TCF25: variants seen among roughly 807,000 people sequenced by gnomAD.
TCF25 encodes the protein TCF25 ribosome quality control complex subunit, also known as ribosome quality control complex subunit TCF25.
TCF25 carries 41 observed loss-of-function variants against 83.1 expected under a neutral mutation model. The ratio of observed to expected loss-of-function variants is 0.49; its 90% CI spans 0.38 to 0.64. The LOEUF is 0.64. Among genes scored for constraint, TCF25 ranks in the 30% least tolerant of loss-of-function variants. The probability of loss-of-function intolerance (pLI) is 0.00; values close to 1 mark genes in which losing one functional copy is unlikely to be tolerated. For missense variants in TCF25, 979 were observed against 914.5 expected (o/e 1.07, Z -0.91); for synonymous variants, 458 against 365.0 (o/e 1.25, Z -2.90).
intron 7 of TCF25, among the ~76,000 whole-genome samples, chr16:89,894,244 G>A (rs894503280): frequency 1.3e-5 from 2 of 148,198 alleles, no homozygotes. Flanking sequence ...GCCCCCACAC[G>A]GCCCCGGACG....
intron 7 of TCF25, among the ~76,000 whole-genome samples, chr16:89,894,379 G>A (rs548606847): frequency 3.3e-5 from 5 of 151,278 alleles, no homozygotes; most frequent in African/African-American, 1.2e-4. Context: ...CCCCCGCGCA[G>A]CCCCAGACAG....
In TCF25 at chr16:89,902,538, A is replaced by C. The variant is rs2044420059; in HGVS notation, c.1382-1580A>C. 1.4e-5 allele frequency among the ~76,000 whole-genome samples: 2 copies of C among 145,654 alleles called. 1 individual carries two copies. The highest frequency in any genetic ancestry group is 3.1e-5 in the Non-Finnish European group (2 of 65,166). ...CCACGTCTCTACTAAAAATACAAAA[A>C]ATTAGCCGGGCGTGTTGGCCGGCAC... On this transcript the variant is annotated intron_variant, in intron 12 of 17. Transcript: ENST00000263346.
At chr16:89,874,706 C>G (rs2042038702) in intron 1 of TCF25, 1 of 152,280 alleles carries the variant, frequency 6.6e-6, no homozygotes, top group Non-Finnish European at 1.5e-5. Flanking sequence ...TCTGCGGGCT[C>G]TGCGATCCTC....
At chr16:89,883,239 C>G (rs2042740595) in intron 1 of TCF25, 112 bp from the exon 2 acceptor site, 3 of 1,442,178 alleles carry the variant, frequency 2.1e-6, no homozygotes, top group Non-Finnish European at 9.4e-7. Flanking sequence ...GCGTCTCGCA[C>G]TGACCCTGGG....
intron 5 of TCF25, chr16:89,890,386 A>T (rs1479591374): frequency 6.6e-6 from 1 of 152,276 alleles, no homozygotes; most frequent in African/African-American, 2.4e-5. Context: ...TACGTGGCTC[A>T]CACTGAGTGT....
intron 3 of TCF25, among the ~76,000 whole-genome samples, chr16:89,885,103 G>A (rs1004276472): frequency 1.7e-4 from 20 of 116,000 alleles, no homozygotes; most frequent in Admixed American, 3.1e-4. Flanking sequence ...TCTGCCTGAC[G>A]CCCTCTCCCT....
intron 8 of TCF25, 149 bp downstream of exon 8, chr16:89,895,286 T>C (rs1454592079): frequency 5.5e-6 from 4 of 722,742 alleles, no homozygotes; most frequent in East Asian, 2.9e-5. Flanking sequence ...AACTTACCCA[T>C]TTAAAGTTTT....
chr16:89,893,868 C>T lies in TCF25; in HGVS notation c.828+10C>T, dbSNP rs749650744. On this transcript the variant is annotated intron_variant, in intron 7 of 17. Coordinates refer to ENST00000263346, the MANE Select transcript of TCF25 (RefSeq NM_014972.3). The stretch of plus-strand genomic sequence containing the variant: ...GCCGAACAACATCGTGGTGCGTGGT[C>T]CCTGCAGCCCCTGACAGGAGCAGGG... 7.5e-6 allele frequency: 12 copies of T among 1,592,992 alleles called. No homozygotes were observed. The highest frequency in any genetic ancestry group is 1.0e-5 in the Non-Finnish European group (12 of 1,170,378).
chr16:89,888,007 T>G (rs1208365018), intron 5 of TCF25, among the ~76,000 whole-genome samples: 2 of 152,194 alleles, frequency 1.3e-5, no homozygotes, highest in Admixed American at 6.5e-5. Flanking sequence ...TGCTCACGCC[T>G]GTAATCCCAG....
intron 1 of TCF25, among the ~76,000 whole-genome samples, chr16:89,881,538 C>T (rs2042606026): frequency 1.1e-5 from 1 of 94,346 alleles, no homozygotes; most frequent in Non-Finnish European, 1.7e-5. Context: ...TTCCAGATTC[C>T]AGGACTGCTG....
chr16:89,886,159 G>T (rs2043002435), intron 4 of TCF25, 193 bp downstream of exon 4: 8 of 594,572 alleles, frequency 1.3e-5, no homozygotes, highest in Non-Finnish European at 2.2e-5. Flanking sequence ...TGGGCGTGGT[G>T]GCTCACGCCT....
At chr16:89,883,154 G>A (rs538596691) in intron 1 of TCF25, among the ~76,000 whole-genome samples, 197 bp from the exon 2 acceptor site, 1 of 149,088 alleles carries the variant, frequency 6.7e-6, no homozygotes, top group East Asian at 2.1e-4. Flanking sequence ...TAGAGCTGCT[G>A]ACAAAGTCCC....
At chr16:89,904,043 C>A (rs1040348131) in intron 12 of TCF25, 75 bp from the exon 13 acceptor site, 4 of 1,448,552 alleles carry the variant, frequency 2.8e-6, no homozygotes, top group Admixed American at 1.9e-5. Context: ...TCGCTGTGTC[C>A]CTTACTGCCT....
chr16:89,903,004 C>T (rs1389667975), intron 12 of TCF25, among the ~76,000 whole-genome samples: 8 of 152,326 alleles, frequency 5.3e-5, no homozygotes, highest in East Asian at 1.9e-4. Context: ...TCAGTCTGCT[C>T]GCTGACCCCA....
At chr16:89,891,999 T>A (rs2043469531) in intron 5 of TCF25, among the ~76,000 whole-genome samples, 194 bp from the exon 6 acceptor site, 2 of 152,090 alleles carry the variant, frequency 1.3e-5, no homozygotes, top group Admixed American at 6.5e-5. Context: ...TATGGGGCCC[T>A]CCCTGCTGCA....
In TCF25 at chr16:89,890,621, C is replaced by G. The variant is rs531892457; in HGVS notation, c.615-1572C>G. On this transcript the variant is annotated intron_variant, in intron 5 of 17. Coordinates refer to ENST00000263346, the MANE Select transcript of TCF25 (RefSeq NM_014972.3). ...TTCGGGAATATTAATTAAAAATAGA[C>G]TTTAAAATGTCACTTTGTCATCTGC... The G allele has an allele frequency of 6.6e-5, 10 of 152,270 alleles. No individual in the cohort carries two copies. In the East Asian group the frequency reaches 1.5e-3, roughly 23 times the overall value. 9.4% of individuals were successfully genotyped at this position (152,270 alleles called of 1,614,324 possible).
intron 16 of TCF25, chr16:89,910,045 T>C (rs1223768834): frequency 6.5e-6 from 1 of 153,496 alleles, no homozygotes; most frequent in African/African-American, 2.4e-5. Flanking sequence ...TGATTATCCC[T>C]GCCGGCAGGG....
chr16:89,895,909 C>T lies in TCF25; in HGVS notation c.929-81C>T, dbSNP rs1459610014. ...TCGTGACCTTCCGTCCAGACCTTTC[C>T]TTGTTGTCCATTATCAGAGGAGGGG... is the stretch of plus-strand genomic sequence containing the variant. On this transcript the variant is annotated intron_variant, in intron 8 of 17. Coordinates refer to ENST00000263346, the MANE Select transcript of TCF25 (RefSeq NM_014972.3). 5.3e-6 allele frequency: 7 copies of T among 1,320,134 alleles called. No homozygotes were observed. In the East Asian group the frequency reaches 7.4e-5, roughly 14 times the overall value. 81.8% of individuals were successfully genotyped at this position (1,320,134 alleles called of 1,614,324 possible). A position where few individuals can be genotyped will look rare whatever the true frequency, so the allele number is the denominator to read the frequency against.
In TCF25 at chr16:89,892,034, C is replaced by T. The variant is rs1045102451; in HGVS notation, c.615-159C>T. 8.5e-5 allele frequency among the ~76,000 whole-genome samples: 13 copies of T among 152,260 alleles called. No homozygotes were observed. The East Asian group carries it at 2.5e-3, about 29-fold the overall frequency. On this transcript the variant is annotated intron_variant, in intron 5 of 17. Transcript: ENST00000263346. ...ACCCGTCCCACAGCAGTTGCTGACG[C>T]TTGTTTGCATCCTGTCCTTAATGCG...
Sources: gnomAD v4.1 joint callset for allele counts (sites outside exome capture counted in the v4.1 genomes callset) on GRCh38, gnomAD v4.1.1 for gene constraint, MANE v1.5 for transcripts, NCBI Gene and HGNC (gene_info 2026-07-23, HGNC 2026-07-21) for gene names.